The following ZNF16 variants were observed in gnomAD, a reference collection of about 807,000 sequenced individuals.
The protein encoded by ZNF16 is zinc finger protein 16.
ZNF16 carries 7 observed loss-of-function variants against 9.0 expected under a neutral mutation model. The observed-to-expected ratio is 0.78, with a 90% CI of 0.44 to 1.47. The LOEUF (loss-of-function observed/expected upper bound fraction) is 1.47. Ranked by LOEUF, ZNF16 falls within the 40% of genes most tolerant of loss-of-function variation. The probability of loss-of-function intolerance (pLI) is 0.01; values close to 1 mark genes in which losing one functional copy is unlikely to be tolerated. For missense variants in ZNF16, 830 were observed against 854.2 expected, an observed-to-expected ratio of 0.97 and a Z score of 0.35; for synonymous variants, 312 against 301.5, an observed-to-expected ratio of 1.03 and a Z score of -0.36.
In ZNF16 at chr8:144,946,151, C is replaced by T. The variant is rs1005160520; in HGVS notation, c.56G>A (p.Gly19Glu). The T allele has an allele frequency of 1.3e-6, 2 of 1,568,992 alleles. No homozygotes were observed. The highest frequency in any genetic ancestry group is 1.7e-6 in the Non-Finnish European group (2 of 1,151,516). ...EEAEMELSVP[G>E]PSPWTPAAQA... ...GGCTGCAGGGGTCCAGGGGGATGGT[C>T]CTGGAACTGAGAGCTCCATCTCTGC... The change falls in exon 2 of 3, where the codon GGA becomes GAA. Residue 19 changes from glycine (G) to glutamate (E), a missense_variant. Coordinates refer to ENST00000394909, the MANE Select transcript of ZNF16 (RefSeq NM_006958.3).
chr8:144,931,405 T>C lies in ZNF16; in HGVS notation c.1382A>G (p.His461Arg), dbSNP rs202135913. ...GGCTTTTCCACATACATTACACACGTGAGGCTTTTCTCCAGTGTGAATTCT... is the reference window on the plus strand; with the variant it reads ...GGCTTTTCCACATACATTACACACGCGAGGCTTTTCTCCAGTGTGAATTCT... ...HRRIHTGEKPHVCNVCGKAFS... is the reference protein window; with the variant it reads ...HRRIHTGEKPRVCNVCGKAFS... The change falls in exon 3 of 3, where the codon CAC becomes CGC. Residue 461 changes from histidine to arginine, a missense_variant. His to Arg is a conservative substitution (Grantham distance 29). Transcript: ENST00000394909. 72 of 1,613,802 alleles carry C rather than the reference T, an allele frequency of 4.5e-5. No homozygotes were observed. Among genetic ancestry groups the C allele is most frequent in the Non-Finnish European group, 5.7e-5 (67 of 1,179,814 alleles).
chr8:144,936,627 A>G (rs777781025), intron 2 of ZNF16, among the ~76,000 whole-genome samples: 10 of 152,170 alleles, frequency 6.6e-5, no homozygotes, highest in Non-Finnish European at 1.3e-4. Context: ...GCATTTCTCT[A>G]ATGACTAATG....
At chr8:144,950,138 A>G (rs549335311) in intron 1 of ZNF16, among the ~76,000 whole-genome samples, 4 of 152,186 alleles carry the variant, frequency 2.6e-5, no homozygotes, top group African/African-American at 9.7e-5. Flanking sequence ...GTGCCCATCC[A>G]GGCATAGTAC....
intron 2 of ZNF16, among the ~76,000 whole-genome samples, chr8:144,934,042 T>C (rs1362786989): frequency 6.6e-6 from 1 of 152,184 alleles, no homozygotes; most frequent in Non-Finnish European, 1.5e-5. Flanking sequence ...GCTCCCTCCC[T>C]GCCTCTCCCT....
chr8:144,942,447 C>A (rs1833826402), intron 2 of ZNF16, among the ~76,000 whole-genome samples: 1 of 151,672 alleles, frequency 6.6e-6, no homozygotes, highest in African/African-American at 2.4e-5. Context: ...ACCACCATGC[C>A]CAGCTAATTT....
chr8:144,946,968 C>T (rs1352295100), intron 1 of ZNF16, among the ~76,000 whole-genome samples: 3 of 103,670 alleles, frequency 2.9e-5, no homozygotes, highest in Non-Finnish European at 3.7e-5. Context: ...CTGTGTCCTG[C>T]TGTGGGCCTG....
At position 144,930,811 on chromosome 8, in the gene ZNF16, C is replaced by T; in HGVS notation, c.1976G>A (p.Cys659Tyr). The T allele has an allele frequency of 1.3e-6, 2 of 1,562,804 alleles. No homozygotes were observed. Among genetic ancestry groups the T allele is most frequent in the East Asian group, 2.2e-5 (1 of 44,568 alleles). Residue 659 changes from cysteine (C) to tyrosine (Y), a missense_variant, in exon 3 of 3, where the codon TGT becomes TAT. Coordinates refer to ENST00000394909, the MANE Select transcript of ZNF16 (RefSeq NM_006958.3). ...GCTGAAGGCTTTCCCACAAGCAGCACAGTCATAGGGCTTCACCCCAGTGTG... is the reference window on the plus strand; with the variant it reads ...GCTGAAGGCTTTCCCACAAGCAGCATAGTCATAGGGCTTCACCCCAGTGTG... ...RIHTGVKPYD[C>Y]AACGKAFSQR...
chr8:144,941,385 C>T (rs1218823781), intron 2 of ZNF16, among the ~76,000 whole-genome samples: 2 of 152,136 alleles, frequency 1.3e-5, no homozygotes, highest in African/African-American at 4.8e-5. Flanking sequence ...TTATTCTCTG[C>T]ATGGAATATT....
At chr8:144,939,629 T>C (rs1052602878) in intron 2 of ZNF16, among the ~76,000 whole-genome samples, 1 of 146,260 alleles carries the variant, frequency 6.8e-6, no homozygotes, top group African/African-American at 2.5e-5. Context: ...AAAGCCATTG[T>C]GGTCCTGGAC....
rs777060049 is a variant in ZNF16, at chr8:144,930,917, T to C, written c.1870A>G (p.Thr624Ala). ...SHLIQHQIIH[T>A]GERPYKCSEC... is the part of the protein sequence containing the mutation. ...CTGCATTTGTAGGGGCGCTCGCCCG[T>C]GTGGATTATCTGATGCTGAATGAGG... Residue 624 changes from threonine to alanine, a missense_variant, in exon 3 of 3, where the codon ACG (threonine) becomes GCG (alanine). Thr to Ala is a moderately conservative substitution (Grantham distance 58). Coordinates refer to ENST00000394909, the MANE Select transcript of ZNF16 (RefSeq NM_006958.3). 1 of 1,612,544 alleles carries C rather than the reference T, an allele frequency of 6.2e-7. No homozygotes were observed. Among genetic ancestry groups the C allele is most frequent in the Non-Finnish European group, 8.5e-7 (1 of 1,179,178 alleles).
At chr8:144,949,339 C>A (rs1485050558) in intron 1 of ZNF16, among the ~76,000 whole-genome samples, 3 of 152,240 alleles carry the variant, frequency 2.0e-5, no homozygotes, top group Non-Finnish European at 4.4e-5. Flanking sequence ...CCCCCTTTCT[C>A]CCCCAGCTCT....
chr8:144,938,929 CT>C (rs35523139), intron 2 of ZNF16, among the ~76,000 whole-genome samples: 41,644 of 147,296 alleles, frequency 0.28, 5,761 homozygotes, highest in East Asian at 0.38. Flanking sequence ...TTTATGAATG[CT>C]TTTTTTTTTT....
Position 144,932,123 on chromosome 8 carries a change from G to A in ZNF16, c.664C>T (p.Pro222Ser), listed in dbSNP as rs1458485200. 2 of 1,614,116 alleles carry A rather than the reference G, an allele frequency of 1.2e-6. No homozygotes were observed. Among genetic ancestry groups the A allele is most frequent in the South Asian group, 1.1e-5 (1 of 91,082 alleles). ...ACTATTTGACGCTGAATAAGGTCAG[G>A]ATTTCCTTGGAAGGTTTTCCCACAC... ...NECGKTFQGN[P>S]DLIQRQIVHT... The change falls in exon 3 of 3, where the codon CCT (proline) becomes TCT (serine). Residue 222 changes from proline to serine, a missense_variant. Transcript: ENST00000394909. This position sits in a 1 kb window ranked among gnomAD's most constrained non-coding sequence, Gnocchi z 5.0.
chr8:144,940,075 A>G (rs1227866774), intron 2 of ZNF16, among the ~76,000 whole-genome samples: 1 of 151,808 alleles, frequency 6.6e-6, no homozygotes, highest in African/African-American at 2.4e-5. Context: ...TCTGACTTAT[A>G]TCTTTCTTTC....
In ZNF16 at chr8:144,946,112, C is replaced by G; in HGVS notation, c.95G>C (p.Arg32Thr). Residue 32 changes from arginine to threonine, a missense_variant, in exon 2 of 3, where the codon AGA becomes ACA. Coordinates refer to ENST00000394909, the MANE Select transcript of ZNF16 (RefSeq NM_006958.3). ...AGGGTGGGTCACAGCAGGAGCATCT[C>G]TCACACGGGCCTGGGCTGCAGGGGT... ...PWTPAAQARV[R>T]DAPAVTHPGS... The G allele has an allele frequency of 6.2e-7, 1 of 1,611,240 alleles. No individual in the cohort carries two copies. The highest frequency in any genetic ancestry group is 8.5e-7 in the Non-Finnish European group (1 of 1,177,970).
Position 144,932,652 on chromosome 8 carries a change from C to T in ZNF16, c.197-62G>A. The stretch of plus-strand genomic sequence containing the variant: ...GCTGCAGCAGGAGCAGGAACATAGA[C>T]AGTCACAGTTGCACCCACTAACTGT... On this transcript the variant is annotated intron_variant, in intron 2 of 2. Coordinates refer to ENST00000394909, the MANE Select transcript of ZNF16 (RefSeq NM_006958.3). This position sits in a 1 kb window ranked among gnomAD's most constrained non-coding sequence, Gnocchi z 5.0. The T allele has an allele frequency of 6.4e-7, 1 of 1,550,728 alleles. No homozygotes were observed. The highest frequency in any genetic ancestry group is 8.7e-7 in the Non-Finnish European group (1 of 1,143,616).
At chr8:144,949,930 A>C (rs529610271) in intron 1 of ZNF16, among the ~76,000 whole-genome samples, 1 of 152,116 alleles carries the variant, frequency 6.6e-6, no homozygotes, top group African/African-American at 2.4e-5. Context: ...TGCAGTTGAG[A>C]TAGAGGAAGG....
intron 2 of ZNF16, among the ~76,000 whole-genome samples, chr8:144,943,073 G>A (rs1304602843): frequency 6.6e-6 from 1 of 152,142 alleles, no homozygotes; most frequent in African/African-American, 2.4e-5. Context: ...ACCTGGATAT[G>A]TTTTAATTTC....
At chr8:144,947,935 C>G (rs905079857) in intron 1 of ZNF16, 2 of 152,302 alleles carry the variant, frequency 1.3e-5, no homozygotes, top group Non-Finnish European at 2.9e-5. Context: ...GGAGCACTGA[C>G]ATACCTCAGC....
Sources: allele counts gnomAD v4.1 joint callset (sites outside exome capture counted in the v4.1 genomes callset), GRCh38; gene constraint gnomAD v4.1.1; non-coding constraint Gnocchi (gnomAD v3.1); transcripts MANE v1.5; gene names NCBI Gene and HGNC (gene_info 2026-07-23, HGNC 2026-07-21).